ALK: variants seen among roughly 807,000 people sequenced by gnomAD.
ALK encodes ALK receptor tyrosine kinase.
In ALK, 74 loss-of-function variants were observed where a neutral mutation model predicts 163.1. That is an observed-to-expected ratio of 0.45 (90% CI 0.38 to 0.55). ALK has a LOEUF of 0.55. ALK is among the 20% of genes least tolerant of loss of function. ALK has a pLI of 0.00. For synonymous variants in ALK, 960 were observed against 843.2 expected, an observed-to-expected ratio of 1.14 and a Z score of -2.40; for missense variants, 2,063 against 2,105.3, an observed-to-expected ratio of 0.98 and a Z score of 0.39.
At chr2:29,620,513 G>T in intron 3 of ALK, among the ~76,000 whole-genome samples, 1 of 149,190 alleles carries the variant, frequency 6.7e-6, no homozygotes, top group Non-Finnish European at 1.5e-5. Context: ...GGGGGGTGGT[G>T]GGTGGGCACA....
chr2:29,786,027 A>G (rs986292094), intron 1 of ALK, among the ~76,000 whole-genome samples: 3 of 152,142 alleles, frequency 2.0e-5, no homozygotes, highest in Non-Finnish European at 4.4e-5. Context: ...AGTGGCTTTA[A>G]AAAGTTTTCG....
chr2:29,906,139 G>C (rs1383445237), intron 1 of ALK, among the ~76,000 whole-genome samples: 1 of 136,746 alleles, frequency 7.3e-6, no homozygotes, highest in Non-Finnish European at 1.5e-5. Context: ...GTGTGGGGCA[G>C]GGGGGAAGAA....
chr2:29,670,527 G>C (rs148787481), intron 3 of ALK, among the ~76,000 whole-genome samples: 6 of 152,100 alleles, frequency 3.9e-5, no homozygotes, highest in Non-Finnish European at 8.8e-5. Context: ...GGTGTTCATA[G>C]ACCTTGGATT....
chr2:29,736,863 A>G (rs1353870545), intron 1 of ALK, among the ~76,000 whole-genome samples: 1 of 152,126 alleles, frequency 6.6e-6, no homozygotes, highest in African/African-American at 2.4e-5. Context: ...AAATTTATGG[A>G]TCAGAAGTCT....
chr2:29,809,540 G>T lies in ALK; in HGVS notation c.668-91843C>A. 2.6e-5 allele frequency among the ~76,000 whole-genome samples: 4 copies of T among 152,282 alleles called. No individual in the cohort carries two copies. The South Asian group carries it at 8.3e-4, about 32-fold the overall frequency. ...ACTGGACCTTACTACTTTTATCTCC[G>T]TGAGGGAGTTTGGTTTAAGGATAGG... On this transcript the variant is annotated intron_variant, in intron 1 of 28. Coordinates refer to ENST00000389048, the MANE Select transcript of ALK (RefSeq NM_004304.5).
chr2:29,386,973 C>G (rs1164143449), intron 4 of ALK, among the ~76,000 whole-genome samples: 1 of 152,208 alleles, frequency 6.6e-6, no homozygotes, highest in African/African-American at 2.4e-5. Context: ...GCTTTTGTCC[C>G]TTCGGCTGGT....
intron 5 of ALK, among the ~76,000 whole-genome samples, chr2:29,343,411 C>A (rs1018586428): frequency 6.6e-6 from 1 of 151,396 alleles, no homozygotes; most frequent in African/African-American, 2.4e-5. Context: ...GATGGGGTCT[C>A]CCTATTTTGC....
At chr2:29,548,174 T>A (rs1164187800) in intron 3 of ALK, among the ~76,000 whole-genome samples, 1 of 152,038 alleles carries the variant, frequency 6.6e-6, no homozygotes. Context: ...ACTAGTAAAG[T>A]AATAAGAGTT....
intron 3 of ALK, among the ~76,000 whole-genome samples, chr2:29,540,822 T>C (rs1428102142): frequency 2.0e-5 from 3 of 152,156 alleles, no homozygotes. Flanking sequence ...AAACTAAAGA[T>C]AGGCCACTTA....
intron 4 of ALK, among the ~76,000 whole-genome samples, chr2:29,453,442 C>T (rs1414333945): frequency 6.6e-6 from 1 of 151,882 alleles, no homozygotes; most frequent in African/African-American, 2.4e-5. Context: ...CACTATGTTG[C>T]TCAGGCTGGT....
chr2:29,911,758 T>A (rs1195716307), intron 1 of ALK, among the ~76,000 whole-genome samples: 1 of 152,094 alleles, frequency 6.6e-6, no homozygotes, highest in East Asian at 1.9e-4. Context: ...CTCAAATTAC[T>A]CAACATAAAA....
At chr2:29,258,403 T>C (rs2148203405) in intron 11 of ALK, among the ~76,000 whole-genome samples, 1 of 152,384 alleles carries the variant, frequency 6.6e-6, no homozygotes, top group Admixed American at 6.5e-5. Context: ...AATAATGTTA[T>C]TCTACTTATT....
intron 9 of ALK, among the ~76,000 whole-genome samples, chr2:29,292,699 G>A (rs1371985580): frequency 6.6e-6 from 1 of 152,124 alleles, no homozygotes; most frequent in East Asian, 1.9e-4. Context: ...AACATCTTAG[G>A]CATTGCTCTT....
rs1449499202 is a variant in ALK, at chr2:29,246,764, T to C, written c.2204+4341A>G. On this transcript the variant is annotated intron_variant, in intron 12 of 28. Transcript: ENST00000389048. This position sits in a 1 kb window ranked among gnomAD's most constrained non-coding sequence, Gnocchi z 4.3. ...TGACCCTCCCCTGCCATCTTTCCCCTGTCCTGGCTCAGTCCTTTTGACCAT... is the reference window on the plus strand; with the variant it reads ...TGACCCTCCCCTGCCATCTTTCCCCCGTCCTGGCTCAGTCCTTTTGACCAT... 1.3e-5 allele frequency among the ~76,000 whole-genome samples: 2 copies of C among 152,176 alleles called. No homozygotes were observed.
chr2:29,826,969 T>C (rs1055542158), intron 1 of ALK, among the ~76,000 whole-genome samples: 2 of 152,276 alleles, frequency 1.3e-5, no homozygotes, highest in African/African-American at 4.8e-5. Flanking sequence ...CAAAAAGGTT[T>C]GCCTTCAGCT....
chr2:29,665,579 G>T (rs959527085), intron 3 of ALK, among the ~76,000 whole-genome samples: 5 of 152,030 alleles, frequency 3.3e-5, no homozygotes, highest in African/African-American at 1.2e-4. Context: ...GTGAGTTCTT[G>T]GTGGGCTCCC....
intron 1 of ALK, among the ~76,000 whole-genome samples, chr2:29,767,269 A>T (rs1292822687): frequency 6.6e-6 from 1 of 152,216 alleles, no homozygotes; most frequent in Non-Finnish European, 1.5e-5. Flanking sequence ...TCTGTCTCCC[A>T]ATACCTTCCT....
chr2:29,843,938 G>C (rs915175344), intron 1 of ALK, among the ~76,000 whole-genome samples: 1 of 152,074 alleles, frequency 6.6e-6, no homozygotes, highest in African/African-American at 2.4e-5. Context: ...GGGGAAGCCA[G>C]GCCTTAATTA....
At chr2:29,843,933 A>T (rs1167292995) in intron 1 of ALK, among the ~76,000 whole-genome samples, 1 of 152,142 alleles carries the variant, frequency 6.6e-6, no homozygotes, top group Non-Finnish European at 1.5e-5. Flanking sequence ...TAGTGGGGGA[A>T]GCCAGGCCTT....
Sources: allele counts gnomAD v4.1 joint callset (sites outside exome capture counted in the v4.1 genomes callset), GRCh38; gene constraint gnomAD v4.1.1; non-coding constraint Gnocchi (gnomAD v3.1); transcripts MANE v1.5; gene names NCBI Gene and HGNC (gene_info 2026-07-23, HGNC 2026-07-21).